SYCP3: variants seen among roughly 807,000 people sequenced by gnomAD.
The protein encoded by SYCP3 is synaptonemal complex protein 3.
In SYCP3, 29 loss-of-function variants were observed where a neutral mutation model predicts 38.5. The ratio of observed to expected loss-of-function variants is 0.75; its 90% CI spans 0.56 to 1.03. The LOEUF (loss-of-function observed/expected upper bound fraction) is 1.03. Ranked by LOEUF, SYCP3 falls within the 50% of genes least tolerant of loss-of-function variation. The pLI is 0.00. For synonymous variants in SYCP3, 79 were observed against 80.3 expected (o/e 0.98, Z 0.08); for missense variants, 242 against 270.7 (o/e 0.89, Z 0.74).
rs1043175901 is a variant in SYCP3, at chr12:101,731,462, TAA to T, written c.552+104_552+105del. On this transcript the variant is annotated intron_variant, in intron 7 of 8. Coordinates refer to ENST00000392924, the MANE Select transcript of SYCP3 (RefSeq NM_001177949.2). ...AATGAATTCAAAATGGAAAAGTAGT[TAA>T]AGTCTAAAATGTTTTTTCCCATAAA... The T allele has an allele frequency of 5.7e-5, 38 of 664,908 alleles. No individual in the cohort carries two copies. In the Admixed American group the frequency reaches 6.5e-4, roughly 11 times the overall value. The allele number at this position is 664,908 out of a possible 1,614,324, so 41.2% of individuals were successfully genotyped here. A position where few individuals can be genotyped will look rare whatever the true frequency, so the allele number is the denominator to read the frequency against.
rs1179586057 is a variant in SYCP3, at chr12:101,729,941, AAGTACAT to A, written c.553-735_553-729del. Among the ~76,000 whole-genome samples the A allele has an allele frequency of 2.6e-5, 4 of 152,262 alleles. 1 individual carries two copies. The East Asian group carries it at 7.7e-4, about 29-fold the overall frequency. ...GGGAAGGGCATAAGCAGAAGCATGG[AAGTACAT>A]AGTGAGCTGAGAGAAAGCAGTTATG... On this transcript the variant is annotated intron_variant, in intron 7 of 8. Transcript: ENST00000392924.
rs1237724434 is a variant in SYCP3, at chr12:101,729,199, C to A, written c.567G>T (p.Leu189Phe). ...TAAGTAGATTATCATGATTCTTCTCCAACTCTTCCATACTCTAAAAACACA... is the reference window on the plus strand; with the variant it reads ...TAAGTAGATTATCATGATTCTTCTCAAACTCTTCCATACTCTAAAAACACA... ...YEQFIKSMEE[L>F]EKNHDNLLTG... Residue 189 changes from leucine (L) to phenylalanine (F), a missense_variant, in exon 8 of 9, where the codon TTG becomes TTT. Leu to Phe is a conservative substitution (Grantham distance 22). Transcript: ENST00000392924. 18 of 1,612,760 alleles carry A rather than the reference C, an allele frequency of 1.1e-5. No individual in the cohort carries two copies. The highest frequency in any genetic ancestry group is 1.4e-5 in the Non-Finnish European group (17 of 1,179,462).
chr12:101,732,114 C>G (rs1952215426), intron 6 of SYCP3: 1 of 157,564 alleles, frequency 6.3e-6, no homozygotes, highest in African/African-American at 2.4e-5. Context: ...CAGCATTCCC[C>G]TTTCATAGAT....
At position 101,735,077 on chromosome 12, in the gene SYCP3, A is replaced by G. The variant is rs199691622; in HGVS notation, c.236-33T>C. ...GAAAATAAAAATTCATTAAAATTTA[A>G]TGTTGAAAAAAGTATTTTGTTCCCA... On this transcript the variant is annotated intron_variant, in intron 4 of 8. Transcript: ENST00000392924. 2,698 of 1,457,528 alleles carry G rather than the reference A, an allele frequency of 1.9e-3. 2 individuals carry two copies. Among genetic ancestry groups the G allele is most frequent in the Non-Finnish European group, 2.4e-3 (2,494 of 1,041,976 alleles). 90.3% of individuals were successfully genotyped at this position (1,457,528 alleles called of 1,614,324 possible).
chr12:101,730,509 T>TG (rs1952143530), intron 7 of SYCP3: 1 of 415,836 alleles, frequency 2.4e-6, no homozygotes, highest in Non-Finnish European at 4.7e-6. Flanking sequence ...TTTTTTTTTT[T>TG]TTTTGAGGCA....
At position 101,733,662 on chromosome 12, in the gene SYCP3, G is replaced by A; in HGVS notation, c.366C>T (p.Asn122=). The A allele has an allele frequency of 6.2e-7, 1 of 1,610,548 alleles. No individual in the cohort carries two copies. Among genetic ancestry groups the A allele is most frequent in the Non-Finnish European group, 8.5e-7 (1 of 1,179,814 alleles). The part of the protein sequence containing the change: ...KTQQDQRQKL[N]QEYSQQFLTL... ...TCAGAAACTGCTGAGAATATTCTTGGTTAAGCTTCTGCCTGTAAAACATAA... is the reference window on the plus strand; with the variant it reads ...TCAGAAACTGCTGAGAATATTCTTGATTAAGCTTCTGCCTGTAAAACATAA... The change falls in exon 6 of 9, where the codon AAC becomes AAT. Residue 122 remains asparagine, a synonymous_variant. Transcript: ENST00000392924.
At chr12:101,735,871 A>ATATATATATATATATTTTT in intron 4 of SYCP3, among the ~76,000 whole-genome samples, 5 of 74,760 alleles carry the variant, frequency 6.7e-5, no homozygotes, top group African/African-American at 2.5e-4. Flanking sequence ...ATATATATAT[A>ATATATATATATATATTTTT]TTTTTTTTTT....
intron 6 of SYCP3, chr12:101,733,362 C>T (rs1952264578): frequency 2.0e-6 from 1 of 511,232 alleles, no homozygotes; most frequent in Non-Finnish European, 3.5e-6. Flanking sequence ...AAATTTCTGT[C>T]ACTTGGAAAT....
chr12:101,737,389 T>C, intron 2 of SYCP3, 91 bp from the exon 3 acceptor site: 1 of 1,216,424 alleles, frequency 8.2e-7, no homozygotes, highest in Non-Finnish European at 1.2e-6. Context: ...CATTTGGGGA[T>C]TTTTAGGCTT....
At chr12:101,738,790 A>C (rs370124103) in intron 1 of SYCP3, among the ~76,000 whole-genome samples, 4 of 152,222 alleles carry the variant, frequency 2.6e-5, no homozygotes, top group African/African-American at 9.6e-5. Context: ...CCAAGCGCGC[A>C]GTGCTGGAGA....
rs1190151791 is a variant in SYCP3 at position 101,737,816 on chromosome 12, T to C, written c.120A>G (p.Glu40=). ...EDKKDLSGSE[E]DVIEGKTAVI... ...GATGTACTGCACCTTCAATAACATC[T>C]TCCTCTGATCCACTCAGATCTTTCT... is the stretch of plus-strand genomic sequence containing the variant. Residue 40 remains glutamate (E), a synonymous_variant, in exon 2 of 9, where the codon GAA becomes GAG. Coordinates refer to ENST00000392924, the MANE Select transcript of SYCP3 (RefSeq NM_001177949.2). The C allele has an allele frequency of 3.7e-6, 6 of 1,614,200 alleles. No homozygotes were observed. The highest frequency in any genetic ancestry group is 3.3e-4 in the Middle Eastern group (2 of 6,062).
chr12:101,735,871 A>ATATATATATATTTTTTTTTTTT, intron 4 of SYCP3, among the ~76,000 whole-genome samples: 6 of 74,790 alleles, frequency 8.0e-5, no homozygotes, highest in African/African-American at 3.8e-4. Context: ...ATATATATAT[A>ATATATATATATTTTTTTTTTTT]TTTTTTTTTT....
intron 4 of SYCP3, among the ~76,000 whole-genome samples, chr12:101,735,871 A>ATATATATATATATATATATTTTTT: frequency 8.0e-5 from 6 of 74,754 alleles, no homozygotes; most frequent in South Asian, 4.3e-4. Flanking sequence ...ATATATATAT[A>ATATATATATATATATATATTTTTT]TTTTTTTTTT....
intron 1 of SYCP3, 44 bp downstream of exon 1, chr12:101,739,307 T>C: frequency 1.0e-6 from 1 of 1,002,678 alleles, no homozygotes; most frequent in Non-Finnish European, 1.2e-6. Context: ...GGGCAGCCTC[T>C]GGCCTGGACA....
intron 1 of SYCP3, among the ~76,000 whole-genome samples, chr12:101,738,650 C>T (rs752048476): frequency 2.6e-5 from 4 of 152,184 alleles, no homozygotes; most frequent in East Asian, 1.9e-4. Flanking sequence ...GCAGAAGAAT[C>T]GCTTCAACCC....
intron 5 of SYCP3, among the ~76,000 whole-genome samples, 200 bp downstream of exon 5, chr12:101,734,727 T>C (rs949542587): frequency 6.6e-6 from 1 of 152,200 alleles, no homozygotes; most frequent in Non-Finnish European, 1.5e-5. Context: ...TTTGTATTTT[T>C]AGTAGAGATG....
chr12:101,734,979 T>C lies in SYCP3; in HGVS notation c.301A>G (p.Lys101Glu). ...TGTTCAATTTTCTGGTTACTAGTTT[T>C]GAGAGAAGCCTTGGTATACATTTCT... ...RLEMYTKASL[K>E]TSNQKIEHVW... The change falls in exon 5 of 9, where the codon AAA (lysine) becomes GAA (glutamate). Residue 101 changes from lysine (K) to glutamate (E), a missense_variant. By Grantham distance (56) the Lys-to-Glu change is moderately conservative (BLOSUM62 1). Transcript: ENST00000392924. 6.2e-7 allele frequency: 1 copy of C among 1,613,942 alleles called. No individual in the cohort carries two copies. The highest frequency in any genetic ancestry group is 8.5e-7 in the Non-Finnish European group (1 of 1,179,868).
rs1212234636 is a variant in SYCP3 at position 101,731,612 on chromosome 12, G to C, written c.508C>G (p.Gln170Glu). The C allele has an allele frequency of 6.2e-7, 1 of 1,606,582 alleles. No individual in the cohort carries two copies. Among genetic ancestry groups the C allele is most frequent in the Non-Finnish European group, 8.5e-7 (1 of 1,178,232 alleles). ...ILQQSRIVQSQRLKTIKQLYE... is the reference protein window; with the variant it reads ...ILQQSRIVQSERLKTIKQLYE... ...AACTGTTTAATTGTTTTCAATCTCT[G>C]GCTCTGAACAATTCTAGATTGTTGA... Residue 170 changes from glutamine (Q) to glutamate (E), a missense_variant, in exon 7 of 9, where the codon CAG becomes GAG. By Grantham distance (29) the Gln-to-Glu change is conservative (BLOSUM62 2). Transcript: ENST00000392924.
At position 101,728,847 on chromosome 12, in the gene SYCP3, A is replaced by G; in HGVS notation, c.*80T>C. 1 of 1,593,874 alleles carries G rather than the reference A, an allele frequency of 6.3e-7. No homozygotes were observed. Among genetic ancestry groups the G allele is most frequent in the Non-Finnish European group, 8.6e-7 (1 of 1,164,702 alleles). On this transcript the variant is annotated 3_prime_UTR_variant, in exon 9 of 9. Transcript: ENST00000392924. ...AAAGATGTTACAATTAAACTATTCT[A>G]AAGACTTACAATATGCTTCTTAGCT... is the stretch of plus-strand genomic sequence containing the variant.
Sources: allele counts gnomAD v4.1 joint callset (sites outside exome capture counted in the v4.1 genomes callset), GRCh38; gene constraint gnomAD v4.1.1; transcripts MANE v1.5; gene names NCBI Gene and HGNC (gene_info 2026-07-23, HGNC 2026-07-21).